The following STRN variants were observed in gnomAD, a reference collection of about 807,000 sequenced individuals.
STRN encodes striatin.
Under a neutral mutation model 96.3 loss-of-function variants are expected in STRN, and 53 were observed. The observed-to-expected ratio is 0.55, with a 90% CI of 0.44 to 0.69. STRN has a LOEUF of 0.69. STRN is among the 30% of genes least tolerant of loss of function. The pLI is 0.00. For synonymous variants in STRN, 428 were observed against 355.9 expected, an observed-to-expected ratio of 1.20 and a Z score of -2.28; for missense variants, 987 against 963.9, an observed-to-expected ratio of 1.02 and a Z score of -0.32.
chr2:36,853,172 T>G (rs1418075668), intron 15 of STRN, among the ~76,000 whole-genome samples: 2 of 151,038 alleles, frequency 1.3e-5, no homozygotes, highest in Admixed American at 6.6e-5. Flanking sequence ...AAAATAAATA[T>G]AAAACAAAAA....
chr2:36,877,513 A>G (rs1201828153), intron 10 of STRN, among the ~76,000 whole-genome samples: 6 of 152,156 alleles, frequency 3.9e-5, no homozygotes, highest in Non-Finnish European at 8.8e-5. Flanking sequence ...CATTGCCTTC[A>G]TTTTCTATAA....
intron 1 of STRN, among the ~76,000 whole-genome samples, chr2:36,931,421 A>T (rs1040216502): frequency 6.6e-6 from 1 of 152,240 alleles, no homozygotes; most frequent in East Asian, 1.9e-4. Context: ...TCGTTAGGGT[A>T]CAAGACCAGC....
rs955377863 is a variant in STRN at position 36,840,096 on chromosome 2, C to G, written c.*9360G>C. 1 of 152,220 alleles carries G rather than the reference C, an allele frequency of 6.6e-6. No homozygotes were observed. Among genetic ancestry groups the G allele is most frequent in the Non-Finnish European group, 1.5e-5 (1 of 68,056 alleles). The allele number at this position is 152,220 out of a possible 1,614,324, so 9.4% of individuals were successfully genotyped here. On this transcript the variant is annotated 3_prime_UTR_variant, in exon 18 of 18. Coordinates refer to ENST00000263918, the MANE Select transcript of STRN (RefSeq NM_003162.4). ...CTCCCCAGAGGGATGCCTTTCCTGA[C>G]AAGATTCCACTGGGAGGTTCGTCTT... is the stretch of plus-strand genomic sequence containing the variant.
At chr2:36,961,284 A>C (rs1665025148) in intron 1 of STRN, among the ~76,000 whole-genome samples, 1 of 148,762 alleles carries the variant, frequency 6.7e-6, no homozygotes, top group South Asian at 2.2e-4. Flanking sequence ...TAATTAAAAA[A>C]ATTTTTTTTT....
chr2:36,861,745 ACACAC>A (rs1668487461), intron 12 of STRN, among the ~76,000 whole-genome samples: 1 of 150,162 alleles, frequency 6.7e-6, no homozygotes, highest in Admixed American at 6.6e-5. Context: ...ACACACACAC[ACACAC>A]ACACACACAC....
intron 10 of STRN, among the ~76,000 whole-genome samples, chr2:36,874,986 G>A (rs2691111): frequency 0.9 from 137,441 of 152,234 alleles, 63,318 homozygotes; most frequent in East Asian, 1. Context: ...TCCTAACTGA[G>A]TATAGAGTGT....
intron 10 of STRN, among the ~76,000 whole-genome samples, chr2:36,873,203 G>C (rs1221865829): frequency 1.3e-5 from 2 of 152,234 alleles, no homozygotes; most frequent in African/African-American, 4.8e-5. Context: ...CAGAGCCAGT[G>C]GCTGCATACA....
chr2:36,906,780 T>A (rs910717455), intron 3 of STRN, among the ~76,000 whole-genome samples: 2 of 151,598 alleles, frequency 1.3e-5, no homozygotes, highest in Non-Finnish European at 2.9e-5. Flanking sequence ...ATACAAAAAT[T>A]AGTGGTGGTG....
chr2:36,942,611 A>G (rs1670873068), intron 1 of STRN, among the ~76,000 whole-genome samples: 1 of 152,216 alleles, frequency 6.6e-6, no homozygotes, highest in African/African-American at 2.4e-5. Flanking sequence ...CTCTTAATAG[A>G]TACTGACCAA....
chr2:36,916,483 T>C (rs1480198948), intron 2 of STRN, among the ~76,000 whole-genome samples: 1 of 149,886 alleles, frequency 6.7e-6, no homozygotes, highest in Non-Finnish European at 1.5e-5. Context: ...TAAATTTTAC[T>C]ATCAAAAACA....
intron 1 of STRN, among the ~76,000 whole-genome samples, chr2:36,947,580 T>C (rs941954419): frequency 6.7e-6 from 1 of 148,446 alleles, no homozygotes; most frequent in Non-Finnish European, 1.5e-5. Context: ...TATATATATA[T>C]ATATATAAAA....
intron 12 of STRN, among the ~76,000 whole-genome samples, chr2:36,866,767 T>A (rs1011335850): frequency 2.0e-5 from 3 of 152,234 alleles, no homozygotes; most frequent in Non-Finnish European, 4.4e-5. Flanking sequence ...GAATCCTTTA[T>A]TGTCATGTAA....
rs577728287 is a variant in STRN at position 36,842,918 on chromosome 2, G to A, written c.*6538C>T. On this transcript the variant is annotated 3_prime_UTR_variant, in exon 18 of 18. Transcript: ENST00000263918. ...GTTAAAAGGTATGCTTGACTCCCAA[G>A]GTGTTCTGGGAATATTTTATGTGCC... Among the ~76,000 whole-genome samples the A allele has an allele frequency of 6.6e-6, 1 of 152,070 alleles. No homozygotes were observed. The highest frequency in any genetic ancestry group is 1.5e-5 in the Non-Finnish European group (1 of 68,014).
chr2:36,942,086 T>A (rs568122989), intron 1 of STRN, among the ~76,000 whole-genome samples: 31 of 152,296 alleles, frequency 2.0e-4, no homozygotes, highest in African/African-American at 7.5e-4. Flanking sequence ...GATACATGTA[T>A]GTCTGCTGGG....
At chr2:36,917,976 T>C (rs1456977165) in intron 2 of STRN, among the ~76,000 whole-genome samples, 3 of 152,174 alleles carry the variant, frequency 2.0e-5, no homozygotes, top group Non-Finnish European at 2.9e-5. Context: ...GAAGGATACA[T>C]AATACGTAAG....
chr2:36,912,795 C>T (rs927412106), intron 3 of STRN, among the ~76,000 whole-genome samples: 1 of 152,096 alleles, frequency 6.6e-6, no homozygotes, highest in Non-Finnish European at 1.5e-5. Context: ...CACTTGGTTA[C>T]CTAAGAAATA....
At chr2:36,956,179 T>C (rs1664883173) in intron 1 of STRN, among the ~76,000 whole-genome samples, 2 of 152,232 alleles carry the variant, frequency 1.3e-5, no homozygotes, top group South Asian at 2.1e-4. Flanking sequence ...TCTTGGCTTC[T>C]ACAATAGGAC....
At chr2:36,913,358 C>A (rs946320094) in intron 3 of STRN, among the ~76,000 whole-genome samples, 1 of 152,174 alleles carries the variant, frequency 6.6e-6, no homozygotes, top group African/African-American at 2.4e-5. Context: ...CCAGGTATCC[C>A]ATTTCTCAAA....
chr2:36,839,629 T>C lies in STRN; in HGVS notation c.*9827A>G, dbSNP rs978088775. On this transcript the variant is annotated 3_prime_UTR_variant, in exon 18 of 18. Transcript: ENST00000263918. ...TAGATGAGAAGCCAATTTAGAAGAG[T>C]TGACTTGTCTAAAATCTAACAGACA... Among the ~76,000 whole-genome samples the C allele has an allele frequency of 3.9e-5, 6 of 152,122 alleles. No homozygotes were observed. Among genetic ancestry groups the C allele is most frequent in the African/African-American group, 1.4e-4 (6 of 41,426 alleles).
Sources: allele counts gnomAD v4.1 joint callset (sites outside exome capture counted in the v4.1 genomes callset), GRCh38; gene constraint gnomAD v4.1.1; transcripts MANE v1.5; gene names NCBI Gene and HGNC (gene_info 2026-07-23, HGNC 2026-07-21).